SEMA5A: variants seen among roughly 807,000 people sequenced by gnomAD.
SEMA5A encodes semaphorin 5A.
In SEMA5A, 55 loss-of-function variants were observed where a neutral mutation model predicts 135.5. The ratio of observed to expected loss-of-function variants is 0.41; its 90% CI spans 0.33 to 0.51. SEMA5A has a LOEUF of 0.51. Ranked by LOEUF, SEMA5A falls within the 20% of genes least tolerant of loss-of-function variation. The pLI, the probability that SEMA5A is intolerant of heterozygous loss-of-function variation, is 0.37. For missense variants in SEMA5A, 1,290 were observed against 1,419.9 expected, an observed-to-expected ratio of 0.91 and a Z score of 1.47; for synonymous variants, 580 against 546.5, an observed-to-expected ratio of 1.06 and a Z score of -0.85.
intron 5 of SEMA5A, among the ~76,000 whole-genome samples, chr5:9,242,676 G>A (rs964363687): frequency 2.0e-5 from 3 of 152,068 alleles, no homozygotes; most frequent in Admixed American, 6.6e-5. Context: ...TATACTGCTC[G>A]GGCGATGGGT....
At chr5:9,208,782 A>G (rs983983966) in intron 8 of SEMA5A, among the ~76,000 whole-genome samples, 6 of 152,010 alleles carry the variant, frequency 3.9e-5, no homozygotes, top group Non-Finnish European at 5.9e-5. Flanking sequence ...AGAGACACCA[A>G]AGAGTTTTAA....
chr5:9,216,662 T>C (rs1746646562), intron 8 of SEMA5A, among the ~76,000 whole-genome samples: 1 of 152,220 alleles, frequency 6.6e-6, no homozygotes, highest in South Asian at 2.1e-4. Flanking sequence ...ATCTGGGTGC[T>C]ACTGTGTTGT....
At chr5:9,413,979 G>A (rs962368160) in intron 2 of SEMA5A, among the ~76,000 whole-genome samples, 16 of 152,178 alleles carry the variant, frequency 1.1e-4, no homozygotes, top group Admixed American at 9.2e-4. Flanking sequence ...AAACTCATCA[G>A]AGAAGCTGGA....
At chr5:9,069,005 T>C (rs984400801) in intron 16 of SEMA5A, among the ~76,000 whole-genome samples, 2 of 152,160 alleles carry the variant, frequency 1.3e-5, no homozygotes, top group African/African-American at 4.8e-5. Flanking sequence ...CAGCAGCTAG[T>C]TGTGATGACG....
At chr5:9,524,019 G>C (rs1736981518) in intron 1 of SEMA5A, among the ~76,000 whole-genome samples, 2 of 152,202 alleles carry the variant, frequency 1.3e-5, no homozygotes, top group South Asian at 4.1e-4. Context: ...CATGTTGAAG[G>C]AGAGGCCTGG....
intron 1 of SEMA5A, among the ~76,000 whole-genome samples, chr5:9,440,712 C>T (rs1229143802): frequency 1.3e-5 from 2 of 152,208 alleles, no homozygotes; most frequent in Non-Finnish European, 1.5e-5. Context: ...TGCTCATCAG[C>T]ACATGACTTT....
chr5:9,265,775 G>A (rs545735025), intron 5 of SEMA5A, among the ~76,000 whole-genome samples: 13 of 152,310 alleles, frequency 8.5e-5, no homozygotes, highest in African/African-American at 2.6e-4. Flanking sequence ...TACCCTGCAA[G>A]TCTGGGTTCC....
At chr5:9,127,789 T>C (rs1442424271) in intron 13 of SEMA5A, among the ~76,000 whole-genome samples, 3 of 152,168 alleles carry the variant, frequency 2.0e-5, no homozygotes, top group Non-Finnish European at 4.4e-5. Context: ...CATTTTCTCA[T>C]CTAAAATACA....
chr5:9,168,236 T>C (rs1743720145), intron 11 of SEMA5A, among the ~76,000 whole-genome samples: 1 of 152,156 alleles, frequency 6.6e-6, no homozygotes, highest in South Asian at 2.1e-4. Flanking sequence ...AGATGGACCT[T>C]CCAGGTGCAT....
chr5:9,278,380 T>C (rs532821360), intron 5 of SEMA5A, among the ~76,000 whole-genome samples: 2 of 152,308 alleles, frequency 1.3e-5, no homozygotes, highest in East Asian at 1.9e-4. Flanking sequence ...AAAGAGATTA[T>C]CTGAAATTGG....
At chr5:9,298,298 A>C (rs557674449) in intron 5 of SEMA5A, among the ~76,000 whole-genome samples, 2 of 152,286 alleles carry the variant, frequency 1.3e-5, no homozygotes, top group South Asian at 4.2e-4. Context: ...TGTGTGTACA[A>C]GCTGAGAATG....
At chr5:9,217,454 G>A (rs954147203) in intron 8 of SEMA5A, among the ~76,000 whole-genome samples, 1 of 152,162 alleles carries the variant, frequency 6.6e-6, no homozygotes, top group African/African-American at 2.4e-5. Flanking sequence ...TGGAAAATCT[G>A]ATGACTGTGT....
At position 9,201,963 on chromosome 5, in the gene SEMA5A, G is replaced by A. The variant is rs1806080; in HGVS notation, c.924C>T (p.Thr308=). ...PELDLIYGIF[T]TNVNSIAASA... is the part of the protein sequence containing the mutation. ...TATTTCAAGTTACATACACATTGGT[G>A]GTAAAGATGCCATAGATCAAATCCA... Residue 308 remains threonine (T), a synonymous_variant, in exon 9 of 23, where the codon ACC becomes ACT. Transcript: ENST00000382496. 1,102 of 1,613,660 alleles carry A rather than the reference G, an allele frequency of 6.8e-4. 4 individuals are homozygous for A. The African/African-American group carries it at 0.013, about 19-fold the overall frequency.
chr5:9,512,347 T>C (rs1736254199), intron 1 of SEMA5A, among the ~76,000 whole-genome samples: 1 of 152,206 alleles, frequency 6.6e-6, no homozygotes, highest in Admixed American at 6.5e-5. Context: ...ACCTAACCCT[T>C]AGATCCTCCT....
In SEMA5A at chr5:9,201,961, G is replaced by A. The variant is rs1745731486; in HGVS notation, c.926C>T (p.Thr309Ile). Residue 309 changes from threonine (T) to isoleucine (I), a missense_variant, in exon 9 of 23, where the codon ACC (threonine) becomes ATC (isoleucine). Thr to Ile is a moderately conservative substitution (Grantham distance 89). Transcript: ENST00000382496. ...ELDLIYGIFT[T>I]NVNSIAASAV... Reference sequence around the variant, plus strand: ...ATTATTTCAAGTTACATACACATTGGTGGTAAAGATGCCATAGATCAAATC... The same window carrying A: ...ATTATTTCAAGTTACATACACATTGATGGTAAAGATGCCATAGATCAAATC... 1.2e-6 allele frequency: 2 copies of A among 1,613,490 alleles called. No individual in the cohort carries two copies. Among genetic ancestry groups the A allele is most frequent in the African/African-American group, 1.3e-5 (1 of 74,928 alleles).
In SEMA5A at chr5:9,106,254, A is replaced by C. The variant is rs1386429472; in HGVS notation, c.2073+1886T>G. On this transcript the variant is annotated intron_variant, in intron 16 of 22. Coordinates refer to ENST00000382496, the MANE Select transcript of SEMA5A (RefSeq NM_003966.3). ...TATGTGTTATTCTGGATTTGAAAGC[A>C]GTGGTTACATTTGTTTCATAAACTG... 5.3e-5 allele frequency among the ~76,000 whole-genome samples: 8 copies of C among 152,362 alleles called. No individual in the cohort carries two copies. The East Asian group carries it at 1.5e-3, about 29-fold the overall frequency.
chr5:9,092,478 TA>T (rs1739090580), intron 16 of SEMA5A, among the ~76,000 whole-genome samples: 1 of 152,330 alleles, frequency 6.6e-6, no homozygotes, highest in South Asian at 2.1e-4. Context: ...AAGTATTACC[TA>T]ATATCAAAAC....
At chr5:9,278,608 G>A (rs1750385999) in intron 5 of SEMA5A, among the ~76,000 whole-genome samples, 1 of 152,218 alleles carries the variant, frequency 6.6e-6, no homozygotes, top group Non-Finnish European at 1.5e-5. Flanking sequence ...AGGCCTGCAG[G>A]TCTAGGAGGG....
At chr5:9,208,145 C>T (rs1026256022) in intron 8 of SEMA5A, among the ~76,000 whole-genome samples, 1 of 152,168 alleles carries the variant, frequency 6.6e-6, no homozygotes, top group African/African-American at 2.4e-5. Flanking sequence ...TGCTGGTAAT[C>T]ATCAAAATAC....
Sources: gnomAD v4.1 joint callset for allele counts (sites outside exome capture counted in the v4.1 genomes callset) on GRCh38, gnomAD v4.1.1 for gene constraint, MANE v1.5 for transcripts, NCBI Gene and HGNC (gene_info 2026-07-23, HGNC 2026-07-21) for gene names.